Variants in GABPB2 observed in about 807,000 individuals in gnomAD.
GABPB2 encodes GA binding protein transcription factor subunit beta 2.
GABPB2 carries 23 observed loss-of-function variants against 39.1 expected under a neutral mutation model. The observed-to-expected ratio is 0.59, with a 90% CI of 0.42 to 0.83. GABPB2 has a LOEUF of 0.83. GABPB2 is among the 40% of genes least tolerant of loss of function. The pLI is 0.00. For synonymous variants in GABPB2, 184 were observed against 199.3 expected, an observed-to-expected ratio of 0.92 and a Z score of 0.65; for missense variants, 467 against 541.1, an observed-to-expected ratio of 0.86 and a Z score of 1.36.
intron 1 of GABPB2, among the ~76,000 whole-genome samples, chr1:151,080,520 T>C (rs1007222865): frequency 4.9e-5 from 7 of 143,414 alleles, no homozygotes; most frequent in Non-Finnish European, 7.6e-5. Flanking sequence ...TCTAAATAAA[T>C]AAATAAATAA....
intron 1 of GABPB2, among the ~76,000 whole-genome samples, chr1:151,078,592 CA>C (rs1240625481): frequency 2.8e-5 from 4 of 143,210 alleles, no homozygotes; most frequent in African/African-American, 2.6e-5. Flanking sequence ...GACTCCGTCT[CA>C]AAAAAAAAAT....
intron 4 of GABPB2, among the ~76,000 whole-genome samples, chr1:151,094,382 A>C (rs1571934363): frequency 3.0e-4 from 25 of 84,462 alleles, no homozygotes; most frequent in East Asian, 1.3e-3. Flanking sequence ...CCCACCCCCG[A>C]CCCCGAGATA....
chr1:151,090,591 G>A lies in GABPB2; in HGVS notation c.276+18G>A, dbSNP rs371156760. On this transcript the variant is annotated intron_variant, in intron 3 of 8. Transcript: ENST00000368918. ...TTGTTCGGGTAAAGCAAGAATAGGG[G>A]CAAGGTTATGTTGTTAAAAAGGCAT... The A allele has an allele frequency of 1.9e-4, 305 of 1,611,928 alleles. No homozygotes were observed. Among genetic ancestry groups the A allele is most frequent in the Non-Finnish European group, 2.5e-4 (300 of 1,178,764 alleles).
At chr1:151,102,911 G>T (rs1679648806) in intron 5 of GABPB2, among the ~76,000 whole-genome samples, 1 of 152,118 alleles carries the variant, frequency 6.6e-6, no homozygotes, top group African/African-American at 2.4e-5. Flanking sequence ...ACTGCCTGCT[G>T]CCAAGGAGAG....
chr1:151,080,904 G>A (rs1423970139), intron 1 of GABPB2, among the ~76,000 whole-genome samples: 2 of 147,108 alleles, frequency 1.4e-5, no homozygotes, highest in Admixed American at 6.7e-5. Context: ...ACGGAGTCTC[G>A]CTCTGTCCCC....
At chr1:151,077,682 G>A (rs1320062848) in intron 1 of GABPB2, among the ~76,000 whole-genome samples, 1 of 152,062 alleles carries the variant, frequency 6.6e-6, no homozygotes, top group Non-Finnish European at 1.5e-5. Flanking sequence ...GCCAGGCGCA[G>A]TGGCTCACGC....
chr1:151,079,458 T>A (rs1677461713), intron 1 of GABPB2, among the ~76,000 whole-genome samples: 1 of 152,030 alleles, frequency 6.6e-6, no homozygotes, highest in South Asian at 2.1e-4. Context: ...AGAGAATCGC[T>A]TGAATCCAGG....
chr1:151,114,191 C>CAA (rs60738759), intron 7 of GABPB2, among the ~76,000 whole-genome samples: 1 of 144,114 alleles, frequency 6.9e-6, no homozygotes, highest in African/African-American at 2.5e-5. Flanking sequence ...AAAAAAAATA[C>CAA]AAAAAAAAAA....
intron 2 of GABPB2, 22 bp from the exon 3 acceptor site, chr1:151,090,384 A>G (rs1437914804): frequency 6.2e-7 from 1 of 1,610,954 alleles, no homozygotes; most frequent in East Asian, 2.2e-5. Context: ...GTGGATATTC[A>G]ATGAGCATTA....
chr1:151,095,091 G>A (rs1679010012), intron 4 of GABPB2, among the ~76,000 whole-genome samples: 1 of 151,644 alleles, frequency 6.6e-6, no homozygotes, highest in Non-Finnish European at 1.5e-5. Flanking sequence ...TTATAATATT[G>A]CATAATAAAT....
In GABPB2 at chr1:151,090,581, A is replaced by G; in HGVS notation, c.276+8A>G. On this transcript the variant is annotated splice_region_variant and intron_variant, in intron 3 of 8. Transcript: ENST00000368918. ...GTGGAACTGCTTGTTCGGGTAAAGC[A>G]AGAATAGGGGCAAGGTTATGTTGTT... The G allele has an allele frequency of 6.2e-7, 1 of 1,613,244 alleles. No homozygotes were observed. The highest frequency in any genetic ancestry group is 8.5e-7 in the Non-Finnish European group (1 of 1,179,474).
At chr1:151,097,205 C>T (rs1679157772) in intron 4 of GABPB2, among the ~76,000 whole-genome samples, 1 of 151,942 alleles carries the variant, frequency 6.6e-6, no homozygotes, top group African/African-American at 2.4e-5. Flanking sequence ...AGCCACCGTG[C>T]CTGGCCTGAC....
At chr1:151,103,143 G>A (rs149893674) in intron 5 of GABPB2, among the ~76,000 whole-genome samples, 1,780 of 139,256 alleles carry the variant, frequency 0.013, 45 homozygotes, top group African/African-American at 0.044. Flanking sequence ...TCTGGCTCCC[G>A]GGTTCATGCC....
chr1:151,095,364 C>T lies in GABPB2; in HGVS notation c.471+1978C>T, dbSNP rs587692552. Among the ~76,000 whole-genome samples the T allele has an allele frequency of 3.3e-5, 5 of 152,080 alleles. No homozygotes were observed. In the East Asian group the frequency reaches 7.8e-4, roughly 24 times the overall value. ...TTCTGAATGTAGGGATGCTTTACAG[C>T]GTGTGAAGGAGTTTGAACTATTATG... On this transcript the variant is annotated intron_variant, in intron 4 of 8. Transcript: ENST00000368918.
chr1:151,077,299 C>G (rs917657855), intron 1 of GABPB2, among the ~76,000 whole-genome samples: 2 of 150,896 alleles, frequency 1.3e-5, no homozygotes, highest in African/African-American at 2.4e-5. Context: ...CTGACAGGCC[C>G]AGGAGCCCCA....
At chr1:151,113,704 G>A (rs1297043015) in intron 7 of GABPB2, among the ~76,000 whole-genome samples, 3 of 152,144 alleles carry the variant, frequency 2.0e-5, no homozygotes, top group African/African-American at 7.2e-5. Context: ...TTTTGGTAGA[G>A]ACAGGGTTTT....
At chr1:151,099,428 C>T (rs1452040458) in intron 5 of GABPB2, among the ~76,000 whole-genome samples, 1 of 152,096 alleles carries the variant, frequency 6.6e-6, no homozygotes, top group African/African-American at 2.4e-5. Flanking sequence ...GATCTCCTGA[C>T]CTCATGATCT....
intron 7 of GABPB2, among the ~76,000 whole-genome samples, chr1:151,108,530 C>G (rs748795131): frequency 6.6e-6 from 1 of 151,964 alleles, no homozygotes; most frequent in East Asian, 1.9e-4. Flanking sequence ...GTAACTGGGT[C>G]TTGTTCTGTC....
Position 151,090,568 on chromosome 1 carries a change from G to A in GABPB2, c.271G>A (p.Val91Ile), listed in dbSNP as rs1678585572. ...ACATGCGCACATCGTGGAACTGCTT[G>A]TTCGGGTAAAGCAAGAATAGGGGCA... ...DGHAHIVELL[V>I]RNGADVNAKD... Residue 91 changes from valine (V) to isoleucine (I), a missense_variant, in exon 3 of 9, where the codon GTT becomes ATT. Physicochemically the swap from Val to Ile is conservative, Grantham distance 29. Coordinates refer to ENST00000368918, the MANE Select transcript of GABPB2 (RefSeq NM_144618.3). 5 of 1,613,492 alleles carry A rather than the reference G, an allele frequency of 3.1e-6. No homozygotes were observed. In the South Asian group the frequency reaches 3.3e-5, roughly 11 times the overall value.
Sources: allele counts gnomAD v4.1 joint callset (sites outside exome capture counted in the v4.1 genomes callset), GRCh38; gene constraint gnomAD v4.1.1; transcripts MANE v1.5; gene names NCBI Gene and HGNC (gene_info 2026-07-23, HGNC 2026-07-21).